Variants in LGSN observed in about 807,000 individuals in gnomAD.
LGSN encodes lengsin.
In LGSN, 21 loss-of-function variants were observed where a neutral mutation model predicts 19.5. That is an observed-to-expected ratio of 1.07 (90% CI 0.76 to 1.55). The LOEUF (loss-of-function observed/expected upper bound fraction) is 1.55, where lower values mean the gene tolerates loss of function less well. Ranked by LOEUF, LGSN falls within the 40% of genes most tolerant of loss-of-function variation. LGSN has a pLI of 0.00. For missense variants in LGSN, 673 were observed against 608.5 expected (o/e 1.11, Z -1.12); for synonymous variants, 257 against 215.6 (o/e 1.19, Z -1.68).
At chr6:63,350,912 T>G in the LGSN span, among the ~76,000 whole-genome samples, 1 of 152,114 alleles carries the variant, frequency 6.6e-6, no homozygotes, top group Non-Finnish European at 1.5e-5. Context: ...AATTGGTTTT[T>G]TATCCTAATA....
At chr6:63,467,322 A>G in the LGSN span, among the ~76,000 whole-genome samples, 1 of 152,310 alleles carries the variant, frequency 6.6e-6, no homozygotes, top group South Asian at 2.1e-4. Flanking sequence ...TATGGTAACT[A>G]TAAGATCAAC....
the LGSN span, among the ~76,000 whole-genome samples, chr6:63,346,442 C>T: frequency 2.6e-5 from 4 of 151,444 alleles, no homozygotes; most frequent in Admixed American, 2.6e-4. Context: ...GATGCTGAGC[C>T]CTGGAGAGGA....
chr6:63,540,197 G>C, the LGSN span, among the ~76,000 whole-genome samples: 2 of 152,126 alleles, frequency 1.3e-5, no homozygotes, highest in Non-Finnish European at 2.9e-5. Flanking sequence ...AACAAAATGT[G>C]GTAGATGCAC....
chr6:63,477,694 T>C, the LGSN span, among the ~76,000 whole-genome samples: 1 of 111,354 alleles, frequency 9.0e-6, no homozygotes, highest in Non-Finnish European at 1.7e-5. Flanking sequence ...TTTCTTTTTT[T>C]TTTTTTTTTT....
At position 63,307,209 on chromosome 6, in the gene LGSN, ATCC is replaced by A. The variant is rs140072806; in HGVS notation, c.31-12167_31-12165del. The stretch of plus-strand genomic sequence containing the variant: ...TCTTAATTTATTTAGTCTGAAAAAT[ATCC>A]CATGTGATAAATACATTACCATCCT... On this transcript the variant is annotated intron_variant, in intron 1 of 3. Transcript: ENST00000370657. Among the ~76,000 whole-genome samples, 925 of 152,356 alleles carry A rather than the reference ATCC, an allele frequency of 6.1e-3. 6 individuals are homozygous for A. The highest frequency in any genetic ancestry group is 0.02 in the African/African-American group (850 of 41,580).
the LGSN span, among the ~76,000 whole-genome samples, chr6:63,347,513 C>A: frequency 6.6e-6 from 1 of 152,180 alleles, no homozygotes; most frequent in Non-Finnish European, 1.5e-5. Context: ...TTTCCTGCTT[C>A]AGTGTCTTTT....
At chr6:63,570,234 G>A in the LGSN span, among the ~76,000 whole-genome samples, 66 of 152,314 alleles carry the variant, frequency 4.3e-4, no homozygotes, top group African/African-American at 1.5e-3. Context: ...GGGAGGCTGA[G>A]GCAGGAGAAT....
intron 3 of LGSN, among the ~76,000 whole-genome samples, chr6:63,285,275 A>G (rs1767479405): frequency 6.6e-6 from 1 of 152,142 alleles, no homozygotes. Flanking sequence ...TATAATCTTC[A>G]TAATTGCAGT....
chr6:63,359,669 C>T, the LGSN span, among the ~76,000 whole-genome samples: 50 of 152,140 alleles, frequency 3.3e-4, no homozygotes, highest in Non-Finnish European at 5.7e-4. Flanking sequence ...TCTGTGGGAT[C>T]GATGGTGATA....
At chr6:63,492,748 A>C in the LGSN span, among the ~76,000 whole-genome samples, 2 of 152,218 alleles carry the variant, frequency 1.3e-5, no homozygotes, top group African/African-American at 4.8e-5. Context: ...CCCAGTAAAT[A>C]CACATCTATA....
the LGSN span, among the ~76,000 whole-genome samples, chr6:63,410,197 C>T: frequency 0.02 from 2,974 of 152,132 alleles, 27 homozygotes; most frequent in South Asian, 0.046. Context: ...TTCACAAAAA[C>T]GGGTACAGGT....
At chr6:63,399,128 C>T in the LGSN span, among the ~76,000 whole-genome samples, 20 of 151,874 alleles carry the variant, frequency 1.3e-4, no homozygotes, top group Admixed American at 2.6e-4. Context: ...TAATCTTTTA[C>T]GCCATATTTT....
At chr6:63,290,632 A>G (rs1767727623) in intron 2 of LGSN, among the ~76,000 whole-genome samples, 2 of 152,226 alleles carry the variant, frequency 1.3e-5, no homozygotes, top group Admixed American at 1.3e-4. Flanking sequence ...GGTAGTCTAG[A>G]TGGGCAGGCA....
chr6:63,553,011 G>A, the LGSN span, among the ~76,000 whole-genome samples: 2 of 152,122 alleles, frequency 1.3e-5, no homozygotes, highest in Non-Finnish European at 2.9e-5. Context: ...TGGGAACTAT[G>A]ATGTAGGTAG....
intron 2 of LGSN, among the ~76,000 whole-genome samples, chr6:63,287,654 G>A (rs1004835975): frequency 2.0e-5 from 3 of 152,012 alleles, no homozygotes; most frequent in Non-Finnish European, 4.4e-5. Context: ...GTTGCAGTGA[G>A]CAAAGATCGC....
chr6:63,467,845 C>T, the LGSN span, among the ~76,000 whole-genome samples: 1 of 152,102 alleles, frequency 6.6e-6, no homozygotes, highest in Non-Finnish European at 1.5e-5. Flanking sequence ...GAACGCATCA[C>T]CATGCCCAGC....
At chr6:63,284,322 TAA>T (rs545695878) in intron 3 of LGSN, among the ~76,000 whole-genome samples, 14 of 152,164 alleles carry the variant, frequency 9.2e-5, no homozygotes, top group Non-Finnish European at 1.6e-4. Context: ...ACTCAAGGAA[TAA>T]AAGTGTTTTT....
chr6:63,482,467 G>A, the LGSN span, among the ~76,000 whole-genome samples: 3 of 152,238 alleles, frequency 2.0e-5, no homozygotes, highest in Middle Eastern at 3.4e-3. Flanking sequence ...AGTAGCTCAC[G>A]CCTATAATCC....
At chr6:63,483,329 T>C in the LGSN span, among the ~76,000 whole-genome samples, 1 of 151,950 alleles carries the variant, frequency 6.6e-6, no homozygotes, top group African/African-American at 2.4e-5. Context: ...TCTAAATACT[T>C]CATGGATTTC....
Sources: gnomAD v4.1 joint callset for allele counts (sites outside exome capture counted in the v4.1 genomes callset) on GRCh38, gnomAD v4.1.1 for gene constraint, MANE v1.5 for transcripts, NCBI Gene and HGNC (gene_info 2026-07-23, HGNC 2026-07-21) for gene names.